TCN2: variants seen among roughly 807,000 people sequenced by gnomAD.
The protein encoded by TCN2 is transcobalamin 2.
TCN2 carries 34 observed loss-of-function variants against 48.6 expected under a neutral mutation model. The ratio of observed to expected loss-of-function variants is 0.70; its 90% CI spans 0.53 to 0.93. TCN2 has a LOEUF of 0.93. Among genes scored for constraint, TCN2 ranks in the 40% least tolerant of loss-of-function variants. The pLI is 0.00. For missense variants in TCN2, 652 were observed against 526.1 expected (o/e 1.24, Z -2.34); for synonymous variants, 283 against 212.5 (o/e 1.33, Z -2.89).
rs1005701580 is a variant in TCN2 at position 30,615,616 on chromosome 22, C to G, written c.769C>G (p.Pro257Ala). The G allele has an allele frequency of 3.7e-6, 6 of 1,613,998 alleles. No homozygotes were observed. The highest frequency in any genetic ancestry group is 5.1e-6 in the Non-Finnish European group (6 of 1,180,012). Residue 257 changes from proline to alanine, a missense_variant, in exon 6 of 9, where the codon CCC (proline) becomes GCC (alanine). Coordinates refer to ENST00000215838, the MANE Select transcript of TCN2 (RefSeq NM_000355.4). The part of the protein sequence containing the change: ...PLALQFLMTS[P>A]MRGAELGTAC... ...CTATCACCAGTTCCTCATGACTTCC[C>G]CCATGCGTGGGGCAGAACTGGGAAC... is the stretch of plus-strand genomic sequence containing the variant.
At chr22:30,610,145 TA>T in intron 1 of TCN2, 1 of 466,058 alleles carries the variant, frequency 2.1e-6, no homozygotes, top group Non-Finnish European at 4.5e-6. Flanking sequence ...CAGCTTCGAA[TA>T]AATCCCACAG....
chr22:30,618,205 C>T (rs1018834636), intron 7 of TCN2, among the ~76,000 whole-genome samples: 5 of 150,978 alleles, frequency 3.3e-5, no homozygotes, highest in Non-Finnish European at 4.4e-5. Flanking sequence ...ACACCTGAGG[C>T]GCTCAAAATA....
intron 7 of TCN2, among the ~76,000 whole-genome samples, chr22:30,620,126 T>C (rs369926878): frequency 6.6e-6 from 1 of 151,480 alleles, no homozygotes; most frequent in African/African-American, 2.4e-5. Flanking sequence ...CACTGTCCTG[T>C]AGCCTGGATG....
chr22:30,615,203 TG>T, intron 4 of TCN2, 97 bp from the exon 5 acceptor site: 1 of 1,312,610 alleles, frequency 7.6e-7, no homozygotes, highest in South Asian at 1.2e-5. Context: ...AGCCCTCCTG[TG>T]GTTGTCCATA....
At chr22:30,611,209 A>G (rs1417390920) in intron 2 of TCN2, 146 bp downstream of exon 2, 4 of 981,226 alleles carry the variant, frequency 4.1e-6, no homozygotes, top group South Asian at 2.7e-5. Context: ...TTGTCCATCT[A>G]TAGAATGAAG....
At chr22:30,623,433 A>C (rs1385410234) in intron 8 of TCN2, 3 of 208,840 alleles carry the variant, frequency 1.4e-5, no homozygotes, top group African/African-American at 4.7e-5. Context: ...GCTCGCTGCA[A>C]CCTCCGCCTC....
intron 3 of TCN2, 148 bp downstream of exon 3, chr22:30,613,190 C>T (rs1009456848): frequency 7.2e-6 from 8 of 1,103,514 alleles, no homozygotes; most frequent in Admixed American, 4.1e-5. Context: ...CGTAGAGGCT[C>T]GAACCTGTCC....
intron 7 of TCN2, among the ~76,000 whole-genome samples, chr22:30,619,730 C>T (rs2087669360): frequency 6.6e-6 from 1 of 152,316 alleles, no homozygotes; most frequent in Middle Eastern, 3.4e-3. Flanking sequence ...TCCTTCGGGT[C>T]CTCTAGGCTA....
rs1360531696 is a variant in TCN2, at chr22:30,611,012, A to G, written c.206A>G (p.Glu69Gly). The change falls in exon 2 of 9, where the codon GAA becomes GGA. Residue 69 changes from glutamate (E) to glycine (G), a missense_variant. Coordinates refer to ENST00000215838, the MANE Select transcript of TCN2 (RefSeq NM_000355.4). ...TCCAGTCTGCAGGCTGGGACCAAGG[A>G]AGACCTCTACCTGCACAGCCTCAAG... ...RLSSLQAGTK[E>G]DLYLHSLKLG... The G allele has an allele frequency of 6.8e-6, 11 of 1,614,040 alleles. No individual in the cohort carries two copies. Among genetic ancestry groups the G allele is most frequent in the Non-Finnish European group, 9.3e-6 (11 of 1,180,026 alleles).
intron 7 of TCN2, among the ~76,000 whole-genome samples, chr22:30,618,895 G>A (rs370344191): frequency 4.6e-5 from 7 of 151,928 alleles, no homozygotes; most frequent in Non-Finnish European, 1.5e-5. Flanking sequence ...TCAGTCTCCC[G>A]AGTAGCTGGG....
intron 8 of TCN2, among the ~76,000 whole-genome samples, chr22:30,624,035 T>TAC (rs2087763882): frequency 1.5e-5 from 1 of 65,426 alleles, no homozygotes; most frequent in Non-Finnish European, 2.7e-5. Context: ...TATATATGTA[T>TAC]ACATATATAC....
chr22:30,619,774 T>C (rs960121028), intron 7 of TCN2, among the ~76,000 whole-genome samples: 1 of 152,222 alleles, frequency 6.6e-6, no homozygotes, highest in Non-Finnish European at 1.5e-5. Context: ...CAAAGACTCC[T>C]CTGAAGTACA....
At chr22:30,620,123 C>T (rs1478050981) in intron 7 of TCN2, among the ~76,000 whole-genome samples, 2 of 151,980 alleles carry the variant, frequency 1.3e-5, no homozygotes, top group Admixed American at 6.6e-5. Context: ...CGTCACTGTC[C>T]TGTAGCCTGG....
rs371674498 is a variant in TCN2 at position 30,622,943 on chromosome 22, C to T, written c.1107-25C>T. The T allele has an allele frequency of 2.1e-5, 34 of 1,611,246 alleles. No homozygotes were observed. In the African/African-American group the frequency reaches 3.3e-4, roughly 16 times the overall value. ...TAGGGACAACAGCCACCTCTTCTCT[C>T]CCCATTTGCCTTTCCCTTCTGTAGA... On this transcript the variant is annotated intron_variant, in intron 7 of 8. Coordinates refer to ENST00000215838, the MANE Select transcript of TCN2 (RefSeq NM_000355.4).
At chr22:30,616,596 T>G (rs1348812972) in intron 6 of TCN2, among the ~76,000 whole-genome samples, 1 of 150,970 alleles carries the variant, frequency 6.6e-6, no homozygotes. Context: ...AGCCCAGGAG[T>G]TTGAGACCAG....
Position 30,615,706 on chromosome 22 carries a change from C to T in TCN2, c.859C>T (p.Leu287Phe), listed in dbSNP as rs369458782. 8.1e-6 allele frequency: 13 copies of T among 1,614,106 alleles called. No homozygotes were observed. The highest frequency in any genetic ancestry group is 1.0e-5 in the Non-Finnish European group (12 of 1,180,062). The change falls in exon 6 of 9, where the codon CTC becomes TTC. Residue 287 changes from leucine (L) to phenylalanine (F), a missense_variant. Physicochemically the swap from Leu to Phe is conservative, Grantham distance 22. Transcript: ENST00000215838. ...SLQDGAFQNA[L>F]MISQLLPVLN... ...GCAGGATGGAGCCTTCCAGAATGCT[C>T]TCATGATTTCCCAGCTGCTGCCCGT...
chr22:30,619,381 G>C (rs1403176219), intron 7 of TCN2, among the ~76,000 whole-genome samples: 1 of 152,214 alleles, frequency 6.6e-6, no homozygotes, highest in Non-Finnish European at 1.5e-5. Flanking sequence ...TGGCTGGCCA[G>C]AATAAGAACT....
At chr22:30,609,736 A>C (rs772881130) in intron 1 of TCN2, among the ~76,000 whole-genome samples, 2 of 152,164 alleles carry the variant, frequency 1.3e-5, no homozygotes, top group African/African-American at 4.8e-5. Context: ...GCAACCCCCC[A>C]GTCTCTCTTA....
At chr22:30,613,398 G>C (rs1470332102) in intron 3 of TCN2, among the ~76,000 whole-genome samples, 1 of 152,156 alleles carries the variant, frequency 6.6e-6, no homozygotes, top group Non-Finnish European at 1.5e-5. Context: ...TCCTGCCTCA[G>C]CCTCCTGAGT....
Sources: allele counts gnomAD v4.1 joint callset (sites outside exome capture counted in the v4.1 genomes callset), GRCh38; gene constraint gnomAD v4.1.1; transcripts MANE v1.5; gene names NCBI Gene and HGNC (gene_info 2026-07-23, HGNC 2026-07-21).